CADPS2: variants seen among roughly 807,000 people sequenced by gnomAD.
The protein encoded by CADPS2 is calcium dependent secretion activator 2, also known as calcium-dependent secretion activator 2.
In CADPS2, 93 loss-of-function variants were observed where a neutral mutation model predicts 172.5. The observed-to-expected ratio is 0.54, with a 90% CI of 0.46 to 0.64. CADPS2 has a LOEUF of 0.64. CADPS2 is among the 30% of genes least tolerant of loss of function. CADPS2 has a pLI of 0.00. For synonymous variants in CADPS2, 546 were observed against 555.2 expected, an observed-to-expected ratio of 0.98 and a Z score of 0.23; for missense variants, 1,420 against 1,565.9, an observed-to-expected ratio of 0.91 and a Z score of 1.57.
At chr7:122,515,921 G>C (rs938579841) in intron 8 of CADPS2, among the ~76,000 whole-genome samples, 2 of 151,054 alleles carry the variant, frequency 1.3e-5, no homozygotes, top group Non-Finnish European at 2.9e-5. Context: ...TTATTAAAAA[G>C]TTTAAAAATA....
intron 3 of CADPS2, among the ~76,000 whole-genome samples, chr7:122,651,398 T>G (rs1588137608): frequency 6.6e-6 from 1 of 152,320 alleles, no homozygotes; most frequent in South Asian, 2.1e-4. Context: ...GCTCCTGGAC[T>G]TCTAGGGGAA....
intron 1 of CADPS2, among the ~76,000 whole-genome samples, chr7:122,872,783 T>C (rs1217434856): frequency 6.6e-6 from 1 of 152,022 alleles, no homozygotes; most frequent in Non-Finnish European, 1.5e-5. Flanking sequence ...TCCCATATTC[T>C]AATAAAAAAT....
chr7:122,691,728 G>T (rs1397868959), intron 2 of CADPS2, among the ~76,000 whole-genome samples: 1 of 152,158 alleles, frequency 6.6e-6, no homozygotes, highest in African/African-American at 2.4e-5. Context: ...GGAATGCATT[G>T]GTCAGGTCCA....
At chr7:122,665,611 A>G (rs1028474968) in intron 2 of CADPS2, among the ~76,000 whole-genome samples, 18 of 152,226 alleles carry the variant, frequency 1.2e-4, no homozygotes, top group African/African-American at 3.9e-4. Flanking sequence ...ACTTTATGAT[A>G]AAGTGTTGAA....
chr7:122,828,904 G>A (rs1805708114), intron 1 of CADPS2, among the ~76,000 whole-genome samples: 1 of 152,188 alleles, frequency 6.6e-6, no homozygotes, highest in South Asian at 2.1e-4. Context: ...TGGGGGAACA[G>A]AATGTATCCT....
chr7:122,575,030 T>C lies in CADPS2; in HGVS notation c.1335+6149A>G, dbSNP rs1038624271. On this transcript the variant is annotated intron_variant, in intron 7 of 29. Transcript: ENST00000449022. ...GCAACGGGAAGCACAAAACATTATGTAGGTGGATGCTTGGCAAAGATGTTT... is the reference window on the plus strand; with the variant it reads ...GCAACGGGAAGCACAAAACATTATGCAGGTGGATGCTTGGCAAAGATGTTT... Among the ~76,000 whole-genome samples, 4 of 152,134 alleles carry C rather than the reference T, an allele frequency of 2.6e-5. No homozygotes were observed. The East Asian group carries it at 7.7e-4, about 29-fold the overall frequency.
chr7:122,803,995 A>C (rs977456532), intron 1 of CADPS2, among the ~76,000 whole-genome samples: 1 of 143,314 alleles, frequency 7.0e-6, no homozygotes, highest in African/African-American at 2.8e-5. Flanking sequence ...AAAAAAAAAA[A>C]AAACACTGCA....
At chr7:122,809,048 T>A (rs1385402965) in intron 1 of CADPS2, among the ~76,000 whole-genome samples, 1 of 152,188 alleles carries the variant, frequency 6.6e-6, no homozygotes, top group East Asian at 1.9e-4. Context: ...TATCCCCTTG[T>A]TACCAAAACA....
At chr7:122,508,910 A>G (rs2059819534) in intron 9 of CADPS2, among the ~76,000 whole-genome samples, 1 of 152,060 alleles carries the variant, frequency 6.6e-6, no homozygotes, top group Non-Finnish European at 1.5e-5. Context: ...TCTACCATAA[A>G]AATTGCATGG....
At chr7:122,809,345 G>T (rs1174780314) in intron 1 of CADPS2, among the ~76,000 whole-genome samples, 10 of 151,562 alleles carry the variant, frequency 6.6e-5, no homozygotes, top group African/African-American at 2.4e-4. Context: ...CGAGGCGGGT[G>T]GATCATGAGA....
In CADPS2 at chr7:122,472,898, T is replaced by C. The variant is rs560343556; in HGVS notation, c.1999-1336A>G. Reference sequence around the variant, plus strand: ...CCTCTCTGAAGTATCCCCATTTTGATTTCAGACAAAATGGGGGGGCGCATT... The same window carrying C: ...CCTCTCTGAAGTATCCCCATTTTGACTTCAGACAAAATGGGGGGGCGCATT... On this transcript the variant is annotated intron_variant, in intron 13 of 29. Coordinates refer to ENST00000449022, the MANE Select transcript of CADPS2 (RefSeq NM_017954.11). Among the ~76,000 whole-genome samples, 3 of 152,258 alleles carry C rather than the reference T, an allele frequency of 2.0e-5. No individual in the cohort carries two copies. In the East Asian group the frequency reaches 5.8e-4, roughly 29 times the overall value.
At chr7:122,402,252 A>G (rs1486865652) in intron 20 of CADPS2, among the ~76,000 whole-genome samples, 1 of 152,112 alleles carries the variant, frequency 6.6e-6, no homozygotes. Context: ...TAAAAAATAA[A>G]AGTTCAAGGA....
At chr7:122,366,701 G>GTA (rs2040951940) in intron 25 of CADPS2, 3 of 98,798 alleles carry the variant, frequency 3.0e-5, no homozygotes, top group Admixed American at 2.8e-4. Flanking sequence ...ATATATATAC[G>GTA]TATACATATA....
At chr7:122,560,421 A>G (rs967093284) in intron 7 of CADPS2, among the ~76,000 whole-genome samples, 1 of 152,134 alleles carries the variant, frequency 6.6e-6, no homozygotes, top group African/African-American at 2.4e-5. Context: ...TGAAAATCAA[A>G]TTTTCATACT....
intron 2 of CADPS2, among the ~76,000 whole-genome samples, chr7:122,725,437 T>C (rs896284296): frequency 4.0e-5 from 6 of 151,794 alleles, no homozygotes; most frequent in African/African-American, 1.2e-4. Flanking sequence ...GGTATAAGTG[T>C]AGTTGTGTTA....
At chr7:122,422,485 A>G (rs764183878) in intron 17 of CADPS2, among the ~76,000 whole-genome samples, 1 of 152,166 alleles carries the variant, frequency 6.6e-6, no homozygotes, top group Non-Finnish European at 1.5e-5. Context: ...GGAGATAGTG[A>G]TTGATCCCCT....
At chr7:122,371,368 G>A (rs2041742229) in intron 25 of CADPS2, among the ~76,000 whole-genome samples, 1 of 151,908 alleles carries the variant, frequency 6.6e-6, no homozygotes, top group African/African-American at 2.4e-5. Flanking sequence ...AATCATGGCG[G>A]AAGGCAAAGG....
chr7:122,645,942 T>C (rs2078504854), intron 3 of CADPS2, among the ~76,000 whole-genome samples: 1 of 151,732 alleles, frequency 6.6e-6, no homozygotes, highest in South Asian at 2.1e-4. Context: ...TATTTTAAAA[T>C]AATTATTTAC....
intron 1 of CADPS2, among the ~76,000 whole-genome samples, chr7:122,812,522 T>C (rs1357777514): frequency 1.3e-5 from 2 of 152,004 alleles, no homozygotes; most frequent in African/African-American, 4.8e-5. Flanking sequence ...TAGGTGGGAA[T>C]AACTGTAGGA....
Sources: allele counts gnomAD v4.1 joint callset (sites outside exome capture counted in the v4.1 genomes callset), GRCh38; gene constraint gnomAD v4.1.1; transcripts MANE v1.5; gene names NCBI Gene and HGNC (gene_info 2026-07-23, HGNC 2026-07-21).